Variants in OTUD7A observed in about 807,000 individuals in gnomAD.
The protein encoded by OTUD7A is OTU deubiquitinase 7A, also known as OTU domain-containing protein 7A.
OTUD7A carries 12 observed loss-of-function variants against 65.7 expected under a neutral mutation model. The observed-to-expected ratio is 0.18, with a 90% CI of 0.12 to 0.30. The LOEUF (loss-of-function observed/expected upper bound fraction) is 0.30, where lower values mean the gene tolerates loss of function less well. Among genes scored for constraint, OTUD7A ranks in the 10% least tolerant of loss-of-function variants. The pLI, the probability that OTUD7A is intolerant of heterozygous loss-of-function variation, is 1.00. For missense variants in OTUD7A, 1,148 were observed against 1,304.8 expected (o/e 0.88, Z 1.85); for synonymous variants, 641 against 586.3 (o/e 1.09, Z -1.35).
intron 3 of OTUD7A, among the ~76,000 whole-genome samples, chr15:31,633,205 T>G (rs2141252446): frequency 6.6e-6 from 1 of 152,248 alleles, no homozygotes; most frequent in Admixed American, 6.5e-5. Flanking sequence ...TCACCCGTCT[T>G]CTGTGTTGCT....
At chr15:31,691,031 T>C (rs1450608422) in intron 1 of OTUD7A, among the ~76,000 whole-genome samples, 1 of 152,156 alleles carries the variant, frequency 6.6e-6, no homozygotes. Context: ...TTGCAAATCA[T>C]ATATCTGATA....
At position 31,487,384 on chromosome 15, in the gene OTUD7A, C is replaced by T; in HGVS notation, c.1286+68G>A. 1 of 1,585,324 alleles carries T rather than the reference C, an allele frequency of 6.3e-7. No homozygotes were observed. The highest frequency in any genetic ancestry group is 8.6e-7 in the Non-Finnish European group (1 of 1,158,682). ...AGGAGGAGCAGGGGTGGTACATTCCCTCCCCAGGATGCCCCAGCCATAGCC... is the reference window on the plus strand; with the variant it reads ...AGGAGGAGCAGGGGTGGTACATTCCTTCCCCAGGATGCCCCAGCCATAGCC... On this transcript the variant is annotated intron_variant, in intron 11 of 12. Transcript: ENST00000307050. The surrounding 1 kb of genome is among the most constrained non-coding windows in gnomAD (Gnocchi z 6.0).
chr15:31,840,643 T>C (rs578224397), intron 1 of OTUD7A, among the ~76,000 whole-genome samples: 4 of 152,212 alleles, frequency 2.6e-5, no homozygotes, highest in African/African-American at 9.6e-5. Context: ...ACACTGGTAG[T>C]GGTGGAAAAC....
intron 3 of OTUD7A, among the ~76,000 whole-genome samples, chr15:31,616,059 A>G (rs1890575881): frequency 6.6e-6 from 1 of 152,228 alleles, no homozygotes; most frequent in African/African-American, 2.4e-5. Context: ...ATGAATGAAA[A>G]TAAAACTGTA....
At chr15:31,606,856 G>A (rs980668675) in intron 3 of OTUD7A, among the ~76,000 whole-genome samples, 3 of 152,130 alleles carry the variant, frequency 2.0e-5, no homozygotes, top group Admixed American at 1.3e-4. Flanking sequence ...AATCAGTTTA[G>A]AATTCTTTCA....
intron 4 of OTUD7A, among the ~76,000 whole-genome samples, chr15:31,563,605 T>C (rs1379394183): frequency 6.6e-6 from 1 of 152,200 alleles, no homozygotes; most frequent in Non-Finnish European, 1.5e-5. Context: ...GCCCCAGCCC[T>C]GTGCCAGCTG....
chr15:31,500,538 C>A (rs1566885581), intron 10 of OTUD7A, among the ~76,000 whole-genome samples: 1 of 152,374 alleles, frequency 6.6e-6, no homozygotes, highest in East Asian at 1.9e-4. Context: ...CCCGACTCAA[C>A]TGCCAGGCCA....
At chr15:31,857,256 T>TA (rs1897599566) in intron 1 of OTUD7A, among the ~76,000 whole-genome samples, 1 of 152,106 alleles carries the variant, frequency 6.6e-6, no homozygotes, top group African/African-American at 2.4e-5. Flanking sequence ...GAGCCCACGG[T>TA]AGCACCTAGG....
At chr15:31,802,701 A>G (rs1054343980) in intron 1 of OTUD7A, among the ~76,000 whole-genome samples, 8 of 152,234 alleles carry the variant, frequency 5.3e-5, no homozygotes, top group Non-Finnish European at 1.0e-4. Flanking sequence ...TTTGAGGTAC[A>G]TTTAACATCT....
At chr15:31,659,075 A>ATAAC (rs1892083397) in intron 1 of OTUD7A, among the ~76,000 whole-genome samples, 2 of 143,756 alleles carry the variant, frequency 1.4e-5, no homozygotes, top group Non-Finnish European at 3.0e-5. Flanking sequence ...AAATAAATAA[A>ATAAC]TAAATAAAAT....
chr15:31,847,127 C>T lies in OTUD7A; in HGVS notation c.-100+23380G>A, dbSNP rs142155657. ...AGTGAATGGGCCTGCAAGGGGCTAG[C>T]ACAGTATGTCAGGGCACACAGAGGG... On this transcript the variant is annotated intron_variant, in intron 1 of 12. Coordinates refer to ENST00000307050, the MANE Select transcript of OTUD7A (RefSeq NM_001382637.1). 5.6e-3 allele frequency among the ~76,000 whole-genome samples: 851 copies of T among 152,328 alleles called. 4 individuals carry two copies. Among genetic ancestry groups the T allele is most frequent in the Non-Finnish European group, 9.9e-3 (674 of 68,026 alleles).
intron 1 of OTUD7A, among the ~76,000 whole-genome samples, chr15:31,776,815 G>A (rs1223758857): frequency 6.6e-6 from 1 of 152,072 alleles, no homozygotes; most frequent in South Asian, 2.1e-4. Flanking sequence ...AAGTGAAATT[G>A]GGCTTTAAAC....
chr15:31,760,682 T>C (rs1894936628), intron 1 of OTUD7A, among the ~76,000 whole-genome samples: 1 of 152,152 alleles, frequency 6.6e-6, no homozygotes, highest in African/African-American at 2.4e-5. Flanking sequence ...CCAGCTGGCT[T>C]TTTTTTCAGA....
rs1193080524 is a variant in OTUD7A at position 31,479,401 on chromosome 15, AG to A, written c.*3892del. Reference sequence around the variant, plus strand: ...TTTTAAAGTCCACACCAAGATGAGGAGAAAAAAAATCATGGCCATAAAGAAA... The same window carrying A: ...TTTTAAAGTCCACACCAAGATGAGGAAAAAAAAATCATGGCCATAAAGAAA... On this transcript the variant is annotated 3_prime_UTR_variant, in exon 13 of 13. Transcript: ENST00000307050. The A allele has an allele frequency of 6.6e-6, 1 of 152,192 alleles. No homozygotes were observed. Among genetic ancestry groups the A allele is most frequent in the Non-Finnish European group, 1.5e-5 (1 of 68,026 alleles). The allele number at this position is 152,192 out of a possible 1,614,324, so 9.4% of individuals were successfully genotyped here.
intron 3 of OTUD7A, among the ~76,000 whole-genome samples, chr15:31,641,672 C>A (rs1891520867): frequency 6.6e-6 from 1 of 152,030 alleles, no homozygotes; most frequent in Non-Finnish European, 1.5e-5. Context: ...TTGGATGCTA[C>A]TGAATAAAGT....
chr15:31,529,880 G>A (rs1018125950), intron 6 of OTUD7A, among the ~76,000 whole-genome samples: 14 of 152,168 alleles, frequency 9.2e-5, no homozygotes, highest in African/African-American at 1.9e-4. Flanking sequence ...TTGGAGAGGC[G>A]CTATCCTCCA....
intron 1 of OTUD7A, among the ~76,000 whole-genome samples, chr15:31,819,827 A>G (rs147517817): frequency 3.6e-4 from 55 of 152,088 alleles, no homozygotes; most frequent in African/African-American, 1.3e-3. Context: ...TATATATGTT[A>G]TTTTTATACG....
At chr15:31,743,701 G>A (rs1224289588) in intron 1 of OTUD7A, among the ~76,000 whole-genome samples, 2 of 151,824 alleles carry the variant, frequency 1.3e-5, no homozygotes, top group East Asian at 3.9e-4. Flanking sequence ...GAGGCCAGGA[G>A]TTTGAGACCA....
chr15:31,657,464 C>T (rs1342381474), intron 1 of OTUD7A, among the ~76,000 whole-genome samples: 17 of 151,974 alleles, frequency 1.1e-4, no homozygotes. Context: ...TCATGCCATC[C>T]TCCTTGCCTC....
Sources: gnomAD v4.1 joint callset for allele counts (sites outside exome capture counted in the v4.1 genomes callset) on GRCh38, gnomAD v4.1.1 for gene constraint, Gnocchi (gnomAD v3.1) non-coding constraint, MANE v1.5 for transcripts, NCBI Gene and HGNC (gene_info 2026-07-23, HGNC 2026-07-21) for gene names.